Variants in CLEC4A observed in about 807,000 individuals in gnomAD.
CLEC4A encodes C-type (calcium dependent, carbohydrate-recognition domain) lectin, superfamily member 6.
Under a neutral mutation model 32.7 loss-of-function variants are expected in CLEC4A, and 27 were observed. That is an observed-to-expected ratio of 0.83 (90% CI 0.61 to 1.14). CLEC4A has a LOEUF of 1.14. CLEC4A is among the 50% of genes most tolerant of loss of function. The pLI is 0.00. For synonymous variants in CLEC4A, 89 were observed against 93.7 expected, an observed-to-expected ratio of 0.95 and a Z score of 0.29; for missense variants, 253 against 274.6, an observed-to-expected ratio of 0.92 and a Z score of 0.55.
chr12:8,113,227 T>G, the CLEC4A span, among the ~76,000 whole-genome samples: 7 of 151,612 alleles, frequency 4.6e-5, no homozygotes, highest in African/African-American at 1.7e-4. Flanking sequence ...TTTGGTTTTT[T>G]GTCCTTGCGA....
chr12:8,116,285 A>G, the CLEC4A span, among the ~76,000 whole-genome samples: 4 of 152,080 alleles, frequency 2.6e-5, no homozygotes, highest in East Asian at 7.7e-4. Context: ...TTATTTTTGT[A>G]GAAGTGGGGT....
intron 3 of CLEC4A, among the ~76,000 whole-genome samples, chr12:8,129,819 T>C (rs755794545): frequency 1.3e-5 from 2 of 152,172 alleles, no homozygotes; most frequent in East Asian, 3.9e-4. Flanking sequence ...AAAACAAATA[T>C]ATAGGACATA....
At chr12:8,118,398 A>T in the CLEC4A span, among the ~76,000 whole-genome samples, 2 of 10,008 alleles carry the variant, frequency 2.0e-4, no homozygotes, top group Non-Finnish European at 0.038. Context: ...ACTGCTATAA[A>T]AAAAAAAAAA....
At chr12:8,127,074 A>G (rs987914061) in intron 2 of CLEC4A, among the ~76,000 whole-genome samples, 4 of 152,210 alleles carry the variant, frequency 2.6e-5, no homozygotes, top group Non-Finnish European at 5.9e-5. Flanking sequence ...TTAGCTCATA[A>G]ATCTGTGTCT....
the CLEC4A span, among the ~76,000 whole-genome samples, chr12:8,110,314 C>G: frequency 6.6e-6 from 1 of 152,092 alleles, no homozygotes; most frequent in African/African-American, 2.4e-5. Context: ...AAAAACTTTA[C>G]TAATTTGTAC....
chr12:8,103,208 A>T, the CLEC4A span, among the ~76,000 whole-genome samples: 1,046 of 152,098 alleles, frequency 6.9e-3, 7 homozygotes, highest in African/African-American at 0.024. Context: ...TGTTTGTGAA[A>T]CAAAGCTCTG....
chr12:8,134,040 C>T, intron 3 of CLEC4A: 1 of 1,598,370 alleles, frequency 6.3e-7, no homozygotes, highest in Non-Finnish European at 8.5e-7. Flanking sequence ...CGGACCACAT[C>T]CTTCTCCAGC....
the CLEC4A span, among the ~76,000 whole-genome samples, chr12:8,111,743 A>G: frequency 6.6e-6 from 1 of 152,244 alleles, no homozygotes; most frequent in Non-Finnish European, 1.5e-5. Flanking sequence ...CATTTTTGAC[A>G]CTAAATTTTA....
At chr12:8,134,470 T>C (rs1565405878) in intron 3 of CLEC4A, 2 of 1,613,852 alleles carry the variant, frequency 1.2e-6, no homozygotes, top group Non-Finnish European at 8.5e-7. Flanking sequence ...TGCTCCAGCT[T>C]CTCCTTCTCC....
chr12:8,103,376 G>GTTTT, the CLEC4A span, among the ~76,000 whole-genome samples: 4 of 56,504 alleles, frequency 7.1e-5, no homozygotes, highest in African/African-American at 1.7e-4. Flanking sequence ...TCTTTCTGTT[G>GTTTT]TTTTTTTTTT....
the CLEC4A span, among the ~76,000 whole-genome samples, chr12:8,117,328 T>A: frequency 6.6e-6 from 1 of 151,924 alleles, no homozygotes; most frequent in Admixed American, 6.6e-5. Flanking sequence ...AACCTCTGCC[T>A]CCTGGGTTCA....
At chr12:8,136,036 TTAAC>T (rs1256835628) in intron 4 of CLEC4A, among the ~76,000 whole-genome samples, 12 of 152,192 alleles carry the variant, frequency 7.9e-5, no homozygotes, top group African/African-American at 2.9e-4. Flanking sequence ...TTATACATGA[TTAAC>T]TACTTAACAA....
intron 3 of CLEC4A, among the ~76,000 whole-genome samples, chr12:8,132,624 G>C (rs772590167): frequency 2.0e-5 from 3 of 152,198 alleles, no homozygotes; most frequent in Non-Finnish European, 4.4e-5. Flanking sequence ...TTGTTGGGTG[G>C]AGCGTTCTAT....
chr12:8,121,396 C>T (rs772512217), upstream of CLEC4A: 17 of 152,378 alleles, frequency 1.1e-4, no homozygotes, highest in African/African-American at 4.1e-4. Context: ...TATGCTTTGT[C>T]ATTCCCCTTT....
chr12:8,111,191 T>G, the CLEC4A span, among the ~76,000 whole-genome samples: 1 of 146,352 alleles, frequency 6.8e-6, no homozygotes, highest in Non-Finnish European at 1.5e-5. Context: ...TTTTTTTTTT[T>G]TTTTTTTGAG....
intron 2 of CLEC4A, among the ~76,000 whole-genome samples, chr12:8,128,980 A>T (rs1947947020): frequency 6.7e-6 from 1 of 150,100 alleles, no homozygotes; most frequent in South Asian, 2.1e-4. Flanking sequence ...GCATCCCCCC[A>T]CCCCCAAGAG....
In CLEC4A at chr12:8,133,639, C is replaced by A. The variant is rs1268469818; in HGVS notation, c.299-1946C>A. On this transcript the variant is annotated intron_variant, in intron 3 of 5. Coordinates refer to ENST00000229332, the MANE Select transcript of CLEC4A (RefSeq NM_016184.4). The stretch of plus-strand genomic sequence containing the variant: ...CAGTTGCCCCAAACTCCCCTGCCCC[C>A]ACCCTTTGTGTTCCCAATTCCTTCC... The A allele has an allele frequency of 2.5e-5, 29 of 1,146,354 alleles. 1 individual carries two copies. Among genetic ancestry groups the A allele is most frequent in the Middle Eastern group, 2.9e-4 (1 of 3,428 alleles). The allele number at this position is 1,146,354 out of a possible 1,614,324, so 71.0% of individuals were successfully genotyped here.
intron 3 of CLEC4A, chr12:8,134,530 C>T (rs191232266): frequency 2.8e-4 from 456 of 1,613,778 alleles, no homozygotes; most frequent in Middle Eastern, 1.8e-3. Flanking sequence ...GAGGCCCCAT[C>T]GGAGTTGCTC....
At chr12:8,112,129 C>A in the CLEC4A span, among the ~76,000 whole-genome samples, 1 of 151,910 alleles carries the variant, frequency 6.6e-6, no homozygotes, top group African/African-American at 2.4e-5. Context: ...CCACCATGCC[C>A]GTCTAATTTT....
Sources: allele counts gnomAD v4.1 joint callset (sites outside exome capture counted in the v4.1 genomes callset), GRCh38; gene constraint gnomAD v4.1.1; transcripts MANE v1.5; gene names NCBI Gene and HGNC (gene_info 2026-07-23, HGNC 2026-07-21).